The following MLLT1 variants were observed in gnomAD, a reference collection of about 807,000 sequenced individuals.
MLLT1 encodes the protein MLLT1 super elongation complex subunit, also known as protein ENL.
MLLT1 carries 11 observed loss-of-function variants against 55.1 expected under a neutral mutation model. The ratio of observed to expected loss-of-function variants is 0.20; its 90% confidence interval spans 0.13 to 0.33. MLLT1 has a LOEUF of 0.33. MLLT1 is among the 10% of genes least tolerant of loss of function. The pLI is 1.00. For synonymous variants in MLLT1, 323 were observed against 320.1 expected (o/e 1.01, Z -0.10); for missense variants, 536 against 760.6 (o/e 0.70, Z 3.47).
intron 3 of MLLT1, among the ~76,000 whole-genome samples, chr19:6,250,906 G>A (rs1041914239): frequency 1.3e-5 from 2 of 152,194 alleles, no homozygotes; most frequent in African/African-American, 4.8e-5. Context: ...ATGTTACTTG[G>A]CCGTGAAAAG....
rs557172387 is a variant in MLLT1 at position 6,240,705 on chromosome 19, C to G, written c.277-9992G>C. Reference sequence around the variant, plus strand: ...ACAGGGAGAGACTGGACCCCACACTCAGCTACGAACCTCCCGAGACAGCAG... The same window carrying G: ...ACAGGGAGAGACTGGACCCCACACTGAGCTACGAACCTCCCGAGACAGCAG... On this transcript the variant is annotated intron_variant, in intron 3 of 11. Coordinates refer to ENST00000252674, the MANE Select transcript of MLLT1 (RefSeq NM_005934.4). The surrounding 1 kb of genome is among the most constrained non-coding windows in gnomAD (Gnocchi z 4.7). Among the ~76,000 whole-genome samples the G allele has an allele frequency of 1.1e-3, 162 of 152,246 alleles. No individual in the cohort carries two copies. The highest frequency in any genetic ancestry group is 3.8e-3 in the African/African-American group (156 of 41,550).
At chr19:6,245,936 G>T (rs1027235779) in intron 3 of MLLT1, among the ~76,000 whole-genome samples, 2 of 152,060 alleles carry the variant, frequency 1.3e-5, no homozygotes, top group African/African-American at 4.8e-5. Flanking sequence ...AAGTTGGCCG[G>T]TCACAGTGGC....
intron 8 of MLLT1, among the ~76,000 whole-genome samples, chr19:6,215,413 C>T (rs950353441): frequency 4.6e-5 from 7 of 152,214 alleles, no homozygotes; most frequent in South Asian, 2.1e-4. Flanking sequence ...CAGCCCTCCT[C>T]GTGTCTAGAG....
In MLLT1 at chr19:6,213,644, G is replaced by T. The variant is rs1311339613; in HGVS notation, c.1479+82C>A. 17 of 1,358,468 alleles carry T rather than the reference G, an allele frequency of 1.3e-5. No homozygotes were observed. In the South Asian group the frequency reaches 2.0e-4, roughly 16 times the overall value. The allele number at this position is 1,358,468 out of a possible 1,614,324, so 84.2% of individuals were successfully genotyped here. A position where few individuals can be genotyped will look rare whatever the true frequency, so the allele number is the denominator to read the frequency against. ...AGAGTCCAACTGTGGGGTGTTGGGG[G>T]GCTCTGGGGTCCTCCACTGGCTGCA... On this transcript the variant is annotated intron_variant, in intron 10 of 11. Coordinates refer to ENST00000252674, the MANE Select transcript of MLLT1 (RefSeq NM_005934.4).
chr19:6,270,373 C>T lies in MLLT1; in HGVS notation c.193+206G>A, dbSNP rs1248419765. On this transcript the variant is annotated intron_variant, in intron 2 of 11. Transcript: ENST00000252674. This position sits in a 1 kb window ranked among gnomAD's most constrained non-coding sequence, Gnocchi z 7.1. ...GGGTCTAAATCACGACACAACAGAC[C>T]GCCACCACCTCCTTCGGTTCTTCCT... is the stretch of plus-strand genomic sequence containing the variant. 6.6e-6 allele frequency among the ~76,000 whole-genome samples: 1 copy of T among 152,022 alleles called. No homozygotes were observed. The highest frequency in any genetic ancestry group is 2.4e-5 in the African/African-American group (1 of 41,362).
At chr19:6,215,373 C>T (rs1046318624) in intron 8 of MLLT1, among the ~76,000 whole-genome samples, 1 of 152,240 alleles carries the variant, frequency 6.6e-6, no homozygotes, top group African/African-American at 2.4e-5. Flanking sequence ...AGGCGGGAGC[C>T]TGCTTCCAGG....
chr19:6,265,049 C>CAAAAACAAAAAAAAAAAAAAAA (rs1568296295), intron 2 of MLLT1, among the ~76,000 whole-genome samples: 1 of 23,298 alleles, frequency 4.3e-5, no homozygotes, highest in Non-Finnish European at 1.2e-4. Context: ...AAAAAAAAAA[C>CAAAAACAAAAAAAAAAAAAAAA]AAAAAAACAA....
At chr19:6,223,819 T>C (rs375198891) in intron 5 of MLLT1, among the ~76,000 whole-genome samples, 2 of 152,154 alleles carry the variant, frequency 1.3e-5, no homozygotes, top group Admixed American at 6.5e-5. Context: ...CCAGGAGCAC[T>C]GAGCAGGCTT....
rs748460317 is a variant in MLLT1 at position 6,256,807 on chromosome 19, A to G, written c.276+5421T>C. On this transcript the variant is annotated intron_variant, in intron 3 of 11. Coordinates refer to ENST00000252674, the MANE Select transcript of MLLT1 (RefSeq NM_005934.4). The surrounding 1 kb of genome is among the most constrained non-coding windows in gnomAD (Gnocchi z 4.1). ...CCTTCCTATACAACTACAGTCATCAAAACAGTATGGCCAGCATAAGCACAG... is the reference window on the plus strand; with the variant it reads ...CCTTCCTATACAACTACAGTCATCAGAACAGTATGGCCAGCATAAGCACAG... Among the ~76,000 whole-genome samples the G allele has an allele frequency of 2.0e-5, 3 of 152,206 alleles. No homozygotes were observed. Among genetic ancestry groups the G allele is most frequent in the Non-Finnish European group, 4.4e-5 (3 of 68,028 alleles).
chr19:6,217,152 C>G (rs777225594), intron 7 of MLLT1, among the ~76,000 whole-genome samples: 41 of 152,160 alleles, frequency 2.7e-4, no homozygotes, highest in Non-Finnish European at 5.0e-4. Flanking sequence ...CAGATAAGAA[C>G]ACTTGGAGCG....
In MLLT1 at chr19:6,211,914, G is replaced by T. The variant is rs957874551; in HGVS notation, c.*1128C>A. The T allele has an allele frequency of 1.9e-6, 2 of 1,064,766 alleles. No individual in the cohort carries two copies. Among genetic ancestry groups the T allele is most frequent in the Non-Finnish European group, 2.3e-6 (2 of 878,898 alleles). The allele number at this position is 1,064,766 out of a possible 1,614,324, so 66.0% of individuals were successfully genotyped here. On this transcript the variant is annotated 3_prime_UTR_variant, in exon 12 of 12. Coordinates refer to ENST00000252674, the MANE Select transcript of MLLT1 (RefSeq NM_005934.4). This position sits in a 1 kb window ranked among gnomAD's most constrained non-coding sequence, Gnocchi z 4.6. ...GGTGGAGGCCGGGGCGGGCCAGGCC[G>T]CGACCAGAGAGAAAGGCAGCCTGGG...
At chr19:6,221,139 C>T (rs375571407) in intron 6 of MLLT1, among the ~76,000 whole-genome samples, 22 of 152,200 alleles carry the variant, frequency 1.4e-4, no homozygotes, top group African/African-American at 5.3e-4. Flanking sequence ...AAAGCCCCAG[C>T]GGCTTTTCAA....
chr19:6,259,249 A>G (rs1011660609), intron 3 of MLLT1: 12 of 152,288 alleles, frequency 7.9e-5, no homozygotes, highest in African/African-American at 2.7e-4. Flanking sequence ...GCCATGGCTA[A>G]CCACCAAACG....
intron 2 of MLLT1, among the ~76,000 whole-genome samples, chr19:6,266,397 T>C (rs2091349620): frequency 6.6e-6 from 1 of 151,670 alleles, no homozygotes; most frequent in Non-Finnish European, 1.5e-5. Context: ...AAGAGAATAA[T>C]GGCATTTTCA....
Position 6,262,163 on chromosome 19 carries a change from C to G in MLLT1, c.276+65G>C. 7.7e-7 allele frequency: 1 copy of G among 1,298,188 alleles called. No homozygotes were observed. The highest frequency in any genetic ancestry group is 1.1e-6 in the Non-Finnish European group (1 of 895,680). The allele number at this position is 1,298,188 out of a possible 1,614,324, so 80.4% of individuals were successfully genotyped here. On this transcript the variant is annotated intron_variant, in intron 3 of 11. Transcript: ENST00000252674. The surrounding 1 kb of genome is among the most constrained non-coding windows in gnomAD (Gnocchi z 4.4). ...GTTCTCTGGCCTGTTTTGTGAACTG[C>G]CGTGGCACCCGGAGCAGGGGTCCCC...
At chr19:6,213,915 C>T in intron 9 of MLLT1, 24 bp downstream of exon 9, 22 of 1,472,032 alleles carry the variant, frequency 1.5e-5, no homozygotes, top group Non-Finnish European at 2.0e-5. Context: ...TGGTGCACCC[C>T]CTGCCTGCAG....
intron 3 of MLLT1, chr19:6,259,046 C>A (rs1358864508): frequency 6.6e-6 from 1 of 152,206 alleles, no homozygotes; most frequent in Non-Finnish European, 1.5e-5. Context: ...AAACTGAGGC[C>A]CAGAGGAGTG....
chr19:6,216,216 G>A (rs1305150764), intron 8 of MLLT1, among the ~76,000 whole-genome samples, 189 bp downstream of exon 8: 3 of 152,188 alleles, frequency 2.0e-5, no homozygotes, highest in Admixed American at 6.5e-5. Flanking sequence ...GACCAGGAGA[G>A]GACACACAGC....
At chr19:6,214,095 AC>A in intron 8 of MLLT1, 57 bp from the exon 9 acceptor site, 3 of 834,486 alleles carry the variant, frequency 3.6e-6, no homozygotes, top group Non-Finnish European at 2.9e-6. Flanking sequence ...CCCCCACCCC[AC>A]CCCCAGGCTC....
Sources: gnomAD v4.1 joint callset for allele counts (sites outside exome capture counted in the v4.1 genomes callset) on GRCh38, gnomAD v4.1.1 for gene constraint, Gnocchi (gnomAD v3.1) non-coding constraint, MANE v1.5 for transcripts, NCBI Gene and HGNC (gene_info 2026-07-23, HGNC 2026-07-21) for gene names.